The following KAT6B variants were observed in gnomAD, a reference collection of about 807,000 sequenced individuals.
The protein encoded by KAT6B is histone acetyltransferase KAT6B.
A neutral mutation model predicts 187.5 loss-of-function variants in KAT6B; 10 were observed. The observed-to-expected ratio is 0.05, with a 90% CI of 0.03 to 0.09. The LOEUF (loss-of-function observed/expected upper bound fraction) is 0.09, where lower values mean the gene tolerates loss of function less well. Ranked by LOEUF, KAT6B falls within the 10% of genes least tolerant of loss-of-function variation. The probability of loss-of-function intolerance (pLI) is 1.00; values close to 1 mark genes in which losing one functional copy is unlikely to be tolerated. For synonymous variants in KAT6B, 861 were observed against 926.8 expected (o/e 0.93, Z 1.29); for missense variants, 1,952 against 2,558.9 (o/e 0.76, Z 5.12).
Position 74,833,473 on chromosome 10 carries a change from A to T in KAT6B, c.-328-5210A>T, listed in dbSNP as rs75767760. On this transcript the variant is annotated intron_variant, in intron 1 of 17. Coordinates refer to ENST00000287239, the MANE Select transcript of KAT6B (RefSeq NM_012330.4). Reference sequence around the variant, plus strand: ...AGTGTGATTAAATTTTAGAGACTGAAACTATTGAGCACTTAAATGCAGGGA... The same window carrying T: ...AGTGTGATTAAATTTTAGAGACTGATACTATTGAGCACTTAAATGCAGGGA... Among the ~76,000 whole-genome samples, 579 of 152,298 alleles carry T rather than the reference A, an allele frequency of 3.8e-3. 7 individuals are homozygous for T. Among genetic ancestry groups the T allele is most frequent in the African/African-American group, 0.013 (552 of 41,556 alleles).
chr10:74,899,340 T>C (rs968598921), intron 3 of KAT6B, among the ~76,000 whole-genome samples: 7 of 150,766 alleles, frequency 4.6e-5, no homozygotes. Flanking sequence ...AATGGCGCGA[T>C]CTCGGCTCAT....
At chr10:74,882,007 A>G (rs1046493651) in intron 3 of KAT6B, among the ~76,000 whole-genome samples, 8 of 152,170 alleles carry the variant, frequency 5.3e-5, no homozygotes, top group Non-Finnish European at 1.2e-4. Context: ...TGACCTAGAA[A>G]GCACCCTTGG....
intron 3 of KAT6B, among the ~76,000 whole-genome samples, chr10:74,844,419 G>A (rs1398264083): frequency 1.3e-5 from 2 of 152,080 alleles, no homozygotes; most frequent in Non-Finnish European, 2.9e-5. Context: ...GGCTAGTCTC[G>A]AACTCCTGAC....
intron 1 of KAT6B, among the ~76,000 whole-genome samples, chr10:74,833,950 A>G (rs1202544881): frequency 1.3e-5 from 2 of 152,236 alleles, no homozygotes; most frequent in Non-Finnish European, 2.9e-5. Context: ...AGGCTCATAA[A>G]TATAAGTTGA....
chr10:75,017,439 C>A (rs959376697), intron 13 of KAT6B, among the ~76,000 whole-genome samples: 1 of 152,100 alleles, frequency 6.6e-6, no homozygotes, highest in African/African-American at 2.4e-5. Context: ...AATGGTGAAA[C>A]CCTGTCTCTA....
chr10:74,877,952 T>G (rs1844544573), intron 3 of KAT6B, among the ~76,000 whole-genome samples: 1 of 150,874 alleles, frequency 6.6e-6, no homozygotes, highest in Non-Finnish European at 1.5e-5. Context: ...AGCATGCTGG[T>G]TGTATAAAAA....
At chr10:74,985,372 C>A in intron 12 of KAT6B, 131 bp downstream of exon 12, 1 of 933,704 alleles carries the variant, frequency 1.1e-6, no homozygotes, top group Non-Finnish European at 1.6e-6. Flanking sequence ...AGCTCAGGTT[C>A]TTGTTCAGAG....
chr10:74,936,094 T>A (rs1410720667), intron 3 of KAT6B, among the ~76,000 whole-genome samples: 6 of 152,166 alleles, frequency 3.9e-5, no homozygotes, highest in African/African-American at 1.4e-4. Context: ...GTTTTGTTGC[T>A]TGTAAATAAT....
intron 4 of KAT6B, among the ~76,000 whole-genome samples, chr10:74,962,383 G>A (rs568510129): frequency 1.3e-5 from 2 of 152,222 alleles, no homozygotes; most frequent in Admixed American, 1.3e-4. Flanking sequence ...AATAATGGCG[G>A]GAGCCCTGTT....
rs774070265 is a variant in KAT6B at position 74,991,229 on chromosome 10, AATAATAT to A, written c.2629+2118_2629+2124del. On this transcript the variant is annotated intron_variant, in intron 13 of 17. Coordinates refer to ENST00000287239, the MANE Select transcript of KAT6B (RefSeq NM_012330.4). ...TATCCACTAGGACAGTTTCCTTTAT[AATAATAT>A]GTATTAGATGATATAAATTAAATTT... Among the ~76,000 whole-genome samples the A allele has an allele frequency of 1.7e-3, 263 of 152,314 alleles. 1 individual carries two copies. Among genetic ancestry groups the A allele is most frequent in the Non-Finnish European group, 2.6e-3 (179 of 68,038 alleles).
chr10:74,924,412 A>G (rs994238823), intron 3 of KAT6B, among the ~76,000 whole-genome samples: 2 of 152,334 alleles, frequency 1.3e-5, no homozygotes, highest in Non-Finnish European at 2.9e-5. Flanking sequence ...TTTGGTGACT[A>G]ATTGGGTTAG....
intron 9 of KAT6B, 92 bp downstream of exon 9, chr10:74,977,529 C>G: frequency 2.1e-6 from 3 of 1,435,258 alleles, no homozygotes; most frequent in African/African-American, 1.4e-5. Flanking sequence ...ATAGAGAATC[C>G]CTTTCAACAT....
rs148243411 is a variant in KAT6B at position 74,969,768 on chromosome 10, G to A, written c.839G>A (p.Arg280Lys). 1.2e-5 allele frequency: 19 copies of A among 1,606,978 alleles called. No individual in the cohort carries two copies. In the African/African-American group the frequency reaches 2.5e-4, roughly 21 times the overall value. Residue 280 changes from arginine to lysine, a missense_variant, in exon 5 of 18, where the codon AGA becomes AAA. This residue lies in a region of KAT6B where 24 missense variants were observed against 42.7 expected (regional missense o/e 0.56). Transcript: ENST00000287239. Reference protein sequence around the residue: ...KTCSACRVQGRNADNMLFCDS... With the variant: ...KTCSACRVQGKNADNMLFCDS... Reference sequence around the variant, plus strand: ...TGCAGTGCCTGTAGAGTCCAAGGCAGAAATGCTGTAAGTATGGCTCCCGTA... The same window carrying A: ...TGCAGTGCCTGTAGAGTCCAAGGCAAAAATGCTGTAAGTATGGCTCCCGTA...
chr10:74,866,871 T>C (rs1319326019), intron 3 of KAT6B, among the ~76,000 whole-genome samples: 2 of 152,198 alleles, frequency 1.3e-5, no homozygotes, highest in Non-Finnish European at 2.9e-5. Context: ...GTGATTCAGC[T>C]CACCTCATAA....
chr10:74,865,057 T>G (rs935144224), intron 3 of KAT6B, among the ~76,000 whole-genome samples: 1 of 152,242 alleles, frequency 6.6e-6, no homozygotes, highest in Non-Finnish European at 1.5e-5. Flanking sequence ...ACAAACTCCC[T>G]GAGTCTCACT....
intron 13 of KAT6B, among the ~76,000 whole-genome samples, chr10:75,010,543 A>G (rs1589803370): frequency 6.6e-6 from 1 of 152,312 alleles, no homozygotes; most frequent in East Asian, 1.9e-4. Context: ...CCTATTTTTA[A>G]AAATTACAGC....
chr10:74,849,184 G>T (rs1266222441), intron 3 of KAT6B, among the ~76,000 whole-genome samples: 1 of 152,144 alleles, frequency 6.6e-6, no homozygotes, highest in African/African-American at 2.4e-5. Context: ...TTTCATTAAT[G>T]TTGGCCAGGC....
chr10:74,962,266 T>G (rs188682298), intron 4 of KAT6B, among the ~76,000 whole-genome samples: 78 of 152,290 alleles, frequency 5.1e-4, no homozygotes, highest in African/African-American at 1.7e-3. Flanking sequence ...TATAGTTCAT[T>G]TTAGGGAGTT....
chr10:74,850,917 T>C (rs1259526456), intron 3 of KAT6B, among the ~76,000 whole-genome samples: 1 of 152,214 alleles, frequency 6.6e-6, no homozygotes, highest in African/African-American at 2.4e-5. Flanking sequence ...CTGTTTCCAG[T>C]GTAGTACATA....
Sources: gnomAD v4.1 joint callset for allele counts (sites outside exome capture counted in the v4.1 genomes callset) on GRCh38, gnomAD v4.1.1 for gene constraint, gnomAD v4.1.1 regional missense constraint, MANE v1.5 for transcripts, NCBI Gene and HGNC (gene_info 2026-07-23, HGNC 2026-07-21) for gene names.